Variants in NEDD4 observed in about 807,000 individuals in gnomAD.
NEDD4 encodes the protein NEDD4 E3 ubiquitin protein ligase.
In NEDD4, 99 loss-of-function variants were observed where a neutral mutation model predicts 144.9. The ratio of observed to expected loss-of-function variants is 0.68; its 90% confidence interval spans 0.58 to 0.81. NEDD4 has a LOEUF of 0.81. NEDD4 is among the 30% of genes least tolerant of loss of function. The pLI is 0.00. For missense variants in NEDD4, 985 were observed against 1,065.9 expected (o/e 0.92, Z 1.06); for synonymous variants, 318 against 350.6 (o/e 0.91, Z 1.04).
At chr15:55,905,438 G>A (rs1297751441) in intron 5 of NEDD4, among the ~76,000 whole-genome samples, 1 of 152,106 alleles carries the variant, frequency 6.6e-6, no homozygotes, top group Non-Finnish European at 1.5e-5. Context: ...ACTTCATAGC[G>A]ACTTACTCTC....
chr15:55,845,791 C>CT (rs1334061557), intron 18 of NEDD4, among the ~76,000 whole-genome samples: 7 of 82,634 alleles, frequency 8.5e-5, no homozygotes, highest in Non-Finnish European at 2.1e-4. Context: ...TTCTTTTTTT[C>CT]TTTTTTCTTT....
At chr15:55,939,131 A>AAAC (rs2036948356) in intron 4 of NEDD4, among the ~76,000 whole-genome samples, 3 of 72,784 alleles carry the variant, frequency 4.1e-5, no homozygotes, top group African/African-American at 1.7e-4. Context: ...AACAAACAAA[A>AAAC]AAACCCACCA....
intron 2 of NEDD4, among the ~76,000 whole-genome samples, chr15:55,953,447 T>C (rs1413511976): frequency 1.3e-5 from 2 of 151,660 alleles, no homozygotes; most frequent in Middle Eastern, 3.4e-3. Flanking sequence ...TCTTCTTTTT[T>C]GTTTTTTTTT....
chr15:55,886,484 G>A (rs1156599201), intron 5 of NEDD4, among the ~76,000 whole-genome samples: 5 of 152,124 alleles, frequency 3.3e-5, no homozygotes, highest in South Asian at 2.1e-4. Flanking sequence ...AAATTGAAAT[G>A]GGCCAGGCGT....
intron 5 of NEDD4, among the ~76,000 whole-genome samples, chr15:55,888,278 T>C (rs1173294999): frequency 6.6e-6 from 1 of 152,170 alleles, no homozygotes; most frequent in East Asian, 1.9e-4. Context: ...ATACATTCAG[T>C]AAAGTTGCAT....
At chr15:55,835,711 C>A (rs2033163017) in intron 24 of NEDD4, among the ~76,000 whole-genome samples, 1 of 152,098 alleles carries the variant, frequency 6.6e-6, no homozygotes, top group Non-Finnish European at 1.5e-5. Flanking sequence ...CCAATCCTAT[C>A]TCAACTCCCT....
intron 9 of NEDD4, 72 bp downstream of exon 9, chr15:55,862,841 A>T: frequency 7.3e-7 from 1 of 1,365,426 alleles, no homozygotes; most frequent in Admixed American, 1.9e-5. Context: ...TCCATCTGAG[A>T]CATGACTTCA....
intron 2 of NEDD4, among the ~76,000 whole-genome samples, chr15:55,964,288 C>CTGTTGTTGT (rs77913535): frequency 5.9e-5 from 9 of 151,734 alleles, no homozygotes; most frequent in African/African-American, 2.2e-4. Flanking sequence ...CCTCAAGGCT[C>CTGTTGTTGT]TGTTGTTGTT....
At chr15:55,889,242 C>G (rs2035487890) in intron 5 of NEDD4, among the ~76,000 whole-genome samples, 1 of 152,184 alleles carries the variant, frequency 6.6e-6, no homozygotes, top group Non-Finnish European at 1.5e-5. Flanking sequence ...GAAAGGAAAT[C>G]AGCGTATTGA....
intron 4 of NEDD4, among the ~76,000 whole-genome samples, chr15:55,929,064 A>G (rs1217803835): frequency 6.6e-6 from 1 of 152,202 alleles, no homozygotes; most frequent in African/African-American, 2.4e-5. Context: ...AGTAATTTCA[A>G]CAGTTACCTA....
At chr15:55,940,698 G>C (rs1193094205) in intron 4 of NEDD4, among the ~76,000 whole-genome samples, 2 of 151,844 alleles carry the variant, frequency 1.3e-5, no homozygotes, top group African/African-American at 4.8e-5. Flanking sequence ...TTGTGAAGAG[G>C]GTCGTTTTTT....
chr15:55,882,817 A>T (rs1205351263), intron 5 of NEDD4, among the ~76,000 whole-genome samples: 2 of 152,164 alleles, frequency 1.3e-5, no homozygotes, highest in Non-Finnish European at 2.9e-5. Context: ...TACAACCTGG[A>T]TACCAGCTCA....
chr15:55,860,383 T>C (rs2034350816), intron 11 of NEDD4, 24 bp downstream of exon 11: 1 of 1,611,282 alleles, frequency 6.2e-7, no homozygotes, highest in South Asian at 1.1e-5. Context: ...ACTGAAGCCG[T>C]AACAAAATCT....
Position 55,846,980 on chromosome 15 carries a change from A to C in NEDD4, c.1597T>G (p.Leu533Val), listed in dbSNP as rs895442139. The C allele has an allele frequency of 1.2e-6, 2 of 1,605,576 alleles. No individual in the cohort carries two copies. Among genetic ancestry groups the C allele is most frequent in the Non-Finnish European group, 1.7e-6 (2 of 1,173,256 alleles). The change falls in exon 18 of 29, where the codon TTG (leucine) becomes GTG (valine). Residue 533 changes from leucine to valine, a missense_variant. By Grantham distance (32) the Leu-to-Val change is conservative. Transcript: ENST00000435532. ...TAAACATGACTAACCTGCTTCTTCA[A>C]CTTTCTTCGGAAGAACTCATACTTT... ...KRKYEFFRRK[L>V]KKQNDIPNKF...
rs2032733781 is a variant in NEDD4, at chr15:55,827,163, T to G, written c.*2734A>C. 1 of 152,236 alleles carries G rather than the reference T, an allele frequency of 6.6e-6. No individual in the cohort carries two copies. Among genetic ancestry groups the G allele is most frequent in the African/African-American group, 2.4e-5 (1 of 41,456 alleles). The allele number at this position is 152,236 out of a possible 1,614,324, so 9.4% of individuals were successfully genotyped here. A position where few individuals can be genotyped will look rare whatever the true frequency, so the allele number is the denominator to read the frequency against. ...ACCCAAAACAAACACCATTTAAATT[T>G]GAGTTCTGATGAAATGCATTTGTAA... is the stretch of plus-strand genomic sequence containing the variant. On this transcript the variant is annotated 3_prime_UTR_variant, in exon 29 of 29. Coordinates refer to ENST00000435532, the MANE Select transcript of NEDD4 (RefSeq NM_006154.4).
At chr15:55,977,304 A>T (rs2037721432) in intron 1 of NEDD4, among the ~76,000 whole-genome samples, 1 of 152,216 alleles carries the variant, frequency 6.6e-6, no homozygotes, top group Non-Finnish European at 1.5e-5. Flanking sequence ...TGCATACAGT[A>T]TTCAGTACAG....
chr15:55,872,538 G>C (rs540302451), intron 6 of NEDD4, 62 bp from the exon 7 acceptor site: 1 of 685,278 alleles, frequency 1.5e-6, no homozygotes, highest in South Asian at 3.3e-5. Context: ...TACTTTTCAA[G>C]AATACTCATG....
At chr15:55,855,981 G>T in intron 12 of NEDD4, 150 bp downstream of exon 12, 2 of 626,984 alleles carry the variant, frequency 3.2e-6, no homozygotes, top group Non-Finnish European at 5.6e-6. Context: ...TTGTCTTTAA[G>T]CCCCTTCCCT....
At chr15:55,870,807 T>C (rs2034765607) in intron 7 of NEDD4, among the ~76,000 whole-genome samples, 1 of 152,160 alleles carries the variant, frequency 6.6e-6, no homozygotes, top group South Asian at 2.1e-4. Flanking sequence ...AGTGCTACAA[T>C]TACAATGCTT....
Sources: allele counts gnomAD v4.1 joint callset (sites outside exome capture counted in the v4.1 genomes callset), GRCh38; gene constraint gnomAD v4.1.1; transcripts MANE v1.5; gene names NCBI Gene and HGNC (gene_info 2026-07-23, HGNC 2026-07-21).